The following SMCHD1 variants were observed in gnomAD, a reference collection of about 807,000 sequenced individuals.
SMCHD1 encodes the protein structural maintenance of chromosomes flexible hinge domain-containing protein 1.
Under a neutral mutation model 254.7 loss-of-function variants are expected in SMCHD1, and 78 were observed. That is an observed-to-expected ratio of 0.31 (90% CI 0.26 to 0.37). SMCHD1 has a LOEUF of 0.37. Ranked by LOEUF, SMCHD1 falls within the 10% of genes least tolerant of loss-of-function variation. The pLI, the probability that SMCHD1 is intolerant of heterozygous loss-of-function variation, is 1.00. For synonymous variants in SMCHD1, 766 were observed against 794.9 expected (o/e 0.96, Z 0.61); for missense variants, 1,840 against 2,408.1 (o/e 0.76, Z 4.94).
At chr18:2,657,136 G>T (rs1015206523) in intron 1 of SMCHD1, among the ~76,000 whole-genome samples, 14 of 152,206 alleles carry the variant, frequency 9.2e-5, no homozygotes, top group African/African-American at 3.4e-4. Context: ...GGGAAAAAAA[G>T]AACTTTGAAG....
chr18:2,683,596 G>C (rs921359126), intron 5 of SMCHD1, among the ~76,000 whole-genome samples: 2 of 152,188 alleles, frequency 1.3e-5, no homozygotes, highest in African/African-American at 4.8e-5. Context: ...TTTTGCTCTT[G>C]TTGGGAGAAG....
intron 7 of SMCHD1, among the ~76,000 whole-genome samples, chr18:2,689,293 C>A (rs1420810580): frequency 1.3e-5 from 2 of 149,580 alleles, no homozygotes; most frequent in African/African-American, 4.9e-5. Flanking sequence ...CCTCAGCTCG[C>A]TGCAACCTCC....
chr18:2,692,734 T>A (rs2074207110), intron 7 of SMCHD1, among the ~76,000 whole-genome samples: 1 of 152,220 alleles, frequency 6.6e-6, no homozygotes, highest in Non-Finnish European at 1.5e-5. Context: ...GTCACCCTCG[T>A]TTTACCTCTG....
chr18:2,778,023 A>T (rs1239145132), intron 43 of SMCHD1, 108 bp downstream of exon 43: 2 of 1,009,900 alleles, frequency 2.0e-6, no homozygotes, highest in Admixed American at 5.6e-5. Context: ...CTTATCAGTC[A>T]TAGTTTTATC....
intron 17 of SMCHD1, among the ~76,000 whole-genome samples, chr18:2,712,979 C>T (rs1038867715): frequency 9.2e-5 from 14 of 152,174 alleles, no homozygotes; most frequent in Admixed American, 8.5e-4. Flanking sequence ...TATCGAACCC[C>T]AGTTTTCCCA....
chr18:2,675,938 G>A (rs1381040728), intron 5 of SMCHD1, among the ~76,000 whole-genome samples: 1 of 152,168 alleles, frequency 6.6e-6, no homozygotes, highest in African/African-American at 2.4e-5. Flanking sequence ...TAGCTTTATG[G>A]GTTTGGTGTC....
rs1568198115 is a variant in SMCHD1 at position 2,708,880 on chromosome 18, AT to A, written c.2260+961del. 3.4e-4 allele frequency among the ~76,000 whole-genome samples: 21 copies of A among 60,874 alleles called. 1 individual carries two copies. The South Asian group carries it at 5.0e-3, about 15-fold the overall frequency. The allele number at this position is 60,874 out of a possible 152,430, so 39.9% of individuals were successfully genotyped here. A position where few individuals can be genotyped will look rare whatever the true frequency, so the allele number is the denominator to read the frequency against. ...TTTCAATAACTTCATATATATATAT[AT>A]ATATATATATATATATATATATATA... On this transcript the variant is annotated intron_variant, in intron 17 of 47. Transcript: ENST00000320876.
intron 1 of SMCHD1, among the ~76,000 whole-genome samples, chr18:2,658,857 T>TACATATATATAC (rs1598270423): frequency 6.6e-6 from 1 of 150,754 alleles, no homozygotes; most frequent in East Asian, 1.9e-4. Flanking sequence ...TATGTATATA[T>TACATATATATAC]ACATATATAT....
chr18:2,789,635 A>T (rs1365930931), intron 45 of SMCHD1, among the ~76,000 whole-genome samples: 2 of 152,338 alleles, frequency 1.3e-5, no homozygotes, highest in Non-Finnish European at 2.9e-5. Flanking sequence ...TTCTCAACTT[A>T]TAATGGGGCT....
Position 2,769,770 on chromosome 18 carries a change from T to G in SMCHD1, c.4796T>G (p.Leu1599Arg), listed in dbSNP as rs745341420. ...YFIVFEPRLPLLSRTLEPYIL... is the reference protein window; with the variant it reads ...YFIVFEPRLPRLSRTLEPYIL... ...ATTGTATTTGAGCCCCGGCTACCAC[T>G]TTTATCAAGAACCTTAGAACCATAT... Residue 1599 changes from leucine (L) to arginine (R), a missense_variant, in exon 38 of 48, where the codon CTT becomes CGT. Coordinates refer to ENST00000320876, the MANE Select transcript of SMCHD1 (RefSeq NM_015295.3). The G allele has an allele frequency of 6.2e-7, 1 of 1,604,696 alleles. No homozygotes were observed. Among genetic ancestry groups the G allele is most frequent in the South Asian group, 1.1e-5 (1 of 89,708 alleles).
At chr18:2,695,365 A>G (rs369595873) in intron 8 of SMCHD1, among the ~76,000 whole-genome samples, 10 of 150,658 alleles carry the variant, frequency 6.6e-5, no homozygotes, top group African/African-American at 2.2e-4. Flanking sequence ...GCTGGAGTGC[A>G]ATGGCGCACT....
rs2076407548 is a variant in SMCHD1 at position 2,803,962 on chromosome 18, G to A, written c.*1410G>A. ...TTAGAAATTGGAAATGCTTCAATGA[G>A]CATTTCCCTTATGTGTCATATCTGC... On this transcript the variant is annotated 3_prime_UTR_variant, in exon 48 of 48. Coordinates refer to ENST00000320876, the MANE Select transcript of SMCHD1 (RefSeq NM_015295.3). 1 of 152,144 alleles carries A rather than the reference G, an allele frequency of 6.6e-6. No homozygotes were observed. Among genetic ancestry groups the A allele is most frequent in the Non-Finnish European group, 1.5e-5 (1 of 68,030 alleles). 9.4% of individuals were successfully genotyped at this position (152,144 alleles called of 1,614,324 possible).
At chr18:2,761,836 C>T (rs985528951) in intron 35 of SMCHD1, among the ~76,000 whole-genome samples, 2 of 151,932 alleles carry the variant, frequency 1.3e-5, no homozygotes, top group Non-Finnish European at 1.5e-5. Context: ...AAAAAACTGT[C>T]GGTATACTAA....
intron 17 of SMCHD1, among the ~76,000 whole-genome samples, chr18:2,712,341 T>C (rs148371648): frequency 3.5e-4 from 54 of 152,252 alleles, no homozygotes; most frequent in African/African-American, 1.3e-3. Context: ...TGGAAGAGTT[T>C]GAAAAGGATT....
intron 1 of SMCHD1, among the ~76,000 whole-genome samples, chr18:2,662,774 A>G (rs2073329957): frequency 6.6e-6 from 1 of 152,024 alleles, no homozygotes; most frequent in Admixed American, 6.5e-5. Context: ...AAAAATCTAT[A>G]AGGTCATTTT....
intron 1 of SMCHD1, among the ~76,000 whole-genome samples, chr18:2,661,793 T>G (rs1372047487): frequency 6.6e-6 from 1 of 152,198 alleles, no homozygotes; most frequent in African/African-American, 2.4e-5. Flanking sequence ...GAGTCTTCTA[T>G]GTAGTTAGTG....
rs1323361009 is a variant in SMCHD1, at chr18:2,740,771, T to C, written c.3583T>C (p.Ser1195Pro). 10 of 1,612,038 alleles carry C rather than the reference T, an allele frequency of 6.2e-6. No individual in the cohort carries two copies. Among genetic ancestry groups the C allele is most frequent in the Non-Finnish European group, 8.5e-6 (10 of 1,178,798 alleles). Residue 1195 changes from serine (S) to proline (P), a missense_variant, in exon 28 of 48, where the codon TCA (serine) becomes CCA (proline). Physicochemically the swap from Ser to Pro is moderately conservative, Grantham distance 74. Transcript: ENST00000320876. ...AFSPSSLSSLSIAGVGLDSSN... is the reference protein window; with the variant it reads ...AFSPSSLSSLPIAGVGLDSSN... Reference sequence around the variant, plus strand: ...TTCACCAAGTTCTTTATCTTCTTTGTCAATTGCTGGGGTTGGACTTGATAG... The same window carrying C: ...TTCACCAAGTTCTTTATCTTCTTTGCCAATTGCTGGGGTTGGACTTGATAG...
At chr18:2,750,212 G>A in intron 31 of SMCHD1, 90 bp downstream of exon 31, 1 of 1,420,240 alleles carries the variant, frequency 7.0e-7, no homozygotes, top group East Asian at 2.4e-5. Context: ...CTATCCTTCT[G>A]TTTAATGTTA....
rs2075396744 is a variant in SMCHD1, at chr18:2,743,795, A to C, written c.3668A>C (p.Lys1223Thr). 1 of 1,612,960 alleles carries C rather than the reference A, an allele frequency of 6.2e-7. No individual in the cohort carries two copies. Among genetic ancestry groups the C allele is most frequent in the Non-Finnish European group, 8.5e-7 (1 of 1,179,454 alleles). The change falls in exon 29 of 48, where the codon AAA becomes ACA. Residue 1223 changes from lysine (K) to threonine (T), a missense_variant. Physicochemically the swap from Lys to Thr is moderately conservative, Grantham distance 78 (BLOSUM62 -1). Coordinates refer to ENST00000320876, the MANE Select transcript of SMCHD1 (RefSeq NM_015295.3). ...CAGAGTATAAGTGTAAGAGGCATCA[A>C]ATTTATTCCAGGTCCTCCTGGAAAT... ...NTQSISVRGIKFIPGPPGNKD... is the reference protein window; with the variant it reads ...NTQSISVRGITFIPGPPGNKD...
Sources: gnomAD v4.1 joint callset for allele counts (sites outside exome capture counted in the v4.1 genomes callset) on GRCh38, gnomAD v4.1.1 for gene constraint, MANE v1.5 for transcripts, NCBI Gene and HGNC (gene_info 2026-07-23, HGNC 2026-07-21) for gene names.